The following PLXNA4 variants were observed in gnomAD, a reference collection of about 807,000 sequenced individuals.
PLXNA4 encodes the protein plexin A4.
A neutral mutation model predicts 191.8 loss-of-function variants in PLXNA4; 44 were observed. The observed-to-expected ratio is 0.23, with a 90% CI of 0.18 to 0.29. PLXNA4 has a LOEUF of 0.29. PLXNA4 is among the 10% of genes least tolerant of loss of function. PLXNA4 has a pLI of 1.00. For synonymous variants in PLXNA4, 1,082 were observed against 1,009.5 expected, an observed-to-expected ratio of 1.07 and a Z score of -1.36; for missense variants, 1,800 against 2,488.8, an observed-to-expected ratio of 0.72 and a Z score of 5.89.
At chr7:132,643,779 T>C (rs1048645325) in intron 2 of PLXNA4, among the ~76,000 whole-genome samples, 1 of 151,868 alleles carries the variant, frequency 6.6e-6, no homozygotes, top group Admixed American at 6.6e-5. Flanking sequence ...CAAGACCCCA[T>C]CTCTATAAAA....
At chr7:132,484,812 A>G in intron 3 of PLXNA4, 5 of 1,613,890 alleles carry the variant, frequency 3.1e-6, no homozygotes, top group Non-Finnish European at 4.2e-6. Context: ...TTTCCAGAGT[A>G]ATTTTAGGAA....
intron 29 of PLXNA4, 146 bp downstream of exon 29, chr7:132,144,973 C>G: frequency 8.6e-7 from 1 of 1,160,552 alleles, no homozygotes; most frequent in Non-Finnish European, 1.2e-6. Flanking sequence ...TGGGGAGGAC[C>G]AGAGAATGTG....
At chr7:132,273,607 T>C (rs1161712677) in intron 4 of PLXNA4, among the ~76,000 whole-genome samples, 2 of 151,864 alleles carry the variant, frequency 1.3e-5, no homozygotes, top group Non-Finnish European at 2.9e-5. Context: ...AGAGGGGAGG[T>C]AGATCAGGGA....
At position 132,387,486 on chromosome 7, in the gene PLXNA4, G is replaced by T. The variant is rs534100210; in HGVS notation, c.1372-89264C>A. Among the ~76,000 whole-genome samples, 116 of 152,298 alleles carry T rather than the reference G, an allele frequency of 7.6e-4. 1 individual carries two copies. The South Asian group carries it at 0.023, about 30-fold the overall frequency. On this transcript the variant is annotated intron_variant, in intron 3 of 31. Coordinates refer to ENST00000321063, the MANE Select transcript of PLXNA4 (RefSeq NM_020911.2). ...GGTCTGCAGGCTGAAATGTTTTATG[G>T]GAGTTGAGTAACTGGCAAGAATGAA...
intron 3 of PLXNA4, among the ~76,000 whole-genome samples, chr7:132,371,572 G>A (rs536163642): frequency 1.3e-5 from 2 of 152,298 alleles, no homozygotes; most frequent in Admixed American, 6.5e-5. Context: ...CTGGGGCACC[G>A]AGGGGACTGA....
intron 30 of PLXNA4, among the ~76,000 whole-genome samples, chr7:132,133,510 CCA>C (rs202146189): frequency 0.011 from 1,627 of 152,256 alleles, 29 homozygotes; most frequent in African/African-American, 0.037. Context: ...CTCTCAGCTA[CCA>C]CACAGAGAGG....
At chr7:132,247,875 A>G (rs1282066385) in intron 4 of PLXNA4, among the ~76,000 whole-genome samples, 2 of 152,220 alleles carry the variant, frequency 1.3e-5, no homozygotes, top group African/African-American at 2.4e-5. Flanking sequence ...GGGGGCAGGT[A>G]TTTCTGAACC....
At chr7:132,592,276 G>A (rs1247453134) in intron 2 of PLXNA4, among the ~76,000 whole-genome samples, 1 of 152,106 alleles carries the variant, frequency 6.6e-6, no homozygotes, top group Non-Finnish European at 1.5e-5. Flanking sequence ...CTTCCTCCCA[G>A]CATCACCTCT....
rs147186383 is a variant in PLXNA4 at position 132,630,903 on chromosome 7, C to A, written c.-87+15025G>T. ...ATCTGTAAGTTTACCTGGTATTCCT[C>A]AAGAATGACATTGTTAAACTGCAAC... On this transcript the variant is annotated intron_variant, in intron 2 of 4. Coordinates refer to the PLXNA4 transcript ENST00000378539. 3.5e-3 allele frequency among the ~76,000 whole-genome samples: 529 copies of A among 152,330 alleles called. 4 individuals are homozygous for A. The highest frequency in any genetic ancestry group is 0.012 in the African/African-American group (507 of 41,572).
chr7:132,351,491 G>T (rs938325121), intron 3 of PLXNA4, among the ~76,000 whole-genome samples: 2 of 152,188 alleles, frequency 1.3e-5, no homozygotes, highest in African/African-American at 4.8e-5. Context: ...CTAGCAGAGG[G>T]TGTGTGAGAA....
chr7:132,203,781 G>A (rs530841297), intron 10 of PLXNA4, among the ~76,000 whole-genome samples: 2 of 152,318 alleles, frequency 1.3e-5, no homozygotes, highest in East Asian at 3.9e-4. Flanking sequence ...TAAAACCGAG[G>A]GAGGAGTCCA....
intron 3 of PLXNA4, among the ~76,000 whole-genome samples, chr7:132,403,469 C>T (rs903992986): frequency 2.6e-5 from 4 of 152,184 alleles, no homozygotes; most frequent in Admixed American, 6.5e-5. Context: ...CTAAAGATCA[C>T]GGGGTAACCC....
chr7:132,433,225 GC>G (rs1795341700), intron 3 of PLXNA4, among the ~76,000 whole-genome samples: 1 of 152,162 alleles, frequency 6.6e-6, no homozygotes, highest in African/African-American at 2.4e-5. Context: ...ATCACTCACC[GC>G]TTTTGACAAC....
chr7:132,361,770 A>C (rs995818265), intron 3 of PLXNA4, among the ~76,000 whole-genome samples: 3 of 152,110 alleles, frequency 2.0e-5, no homozygotes, highest in Admixed American at 6.5e-5. Context: ...GTCTGAAAAC[A>C]ATTTTGTTTG....
chr7:132,331,054 G>C (rs1003773631), intron 3 of PLXNA4, among the ~76,000 whole-genome samples: 1 of 152,106 alleles, frequency 6.6e-6, no homozygotes, highest in South Asian at 2.1e-4. Context: ...GGATGGGACA[G>C]TGGGGAGGGG....
intron 2 of PLXNA4, among the ~76,000 whole-genome samples, chr7:132,619,511 A>G (rs1803219799): frequency 1.3e-5 from 2 of 152,266 alleles, no homozygotes; most frequent in Admixed American, 6.5e-5. Flanking sequence ...GGAAACATCT[A>G]TGGAAGAAAA....
intron 12 of PLXNA4, 135 bp downstream of exon 12, chr7:132,202,511 C>G: frequency 1.1e-6 from 1 of 924,402 alleles, no homozygotes. Flanking sequence ...GGGTGCCATC[C>G]AGCCAGGCAG....
intron 3 of PLXNA4, among the ~76,000 whole-genome samples, chr7:132,374,097 G>A (rs543357476): frequency 2.0e-5 from 3 of 152,202 alleles, no homozygotes; most frequent in Non-Finnish European, 4.4e-5. Flanking sequence ...TGCACGAAGT[G>A]AAGATGGCAG....
intron 3 of PLXNA4, among the ~76,000 whole-genome samples, chr7:132,450,740 C>G (rs1190287492): frequency 6.6e-6 from 1 of 152,182 alleles, no homozygotes; most frequent in African/African-American, 2.4e-5. Flanking sequence ...GGACTCCTAG[C>G]CCCCTTAGTG....
Sources: allele counts gnomAD v4.1 joint callset (sites outside exome capture counted in the v4.1 genomes callset), GRCh38; gene constraint gnomAD v4.1.1; transcripts MANE v1.5; gene names NCBI Gene and HGNC (gene_info 2026-07-23, HGNC 2026-07-21).